Variants in TENM2 observed in about 807,000 individuals in gnomAD.
TENM2 encodes teneurin-2.
In TENM2, 52 loss-of-function variants were observed where a neutral mutation model predicts 245.2. The ratio of observed to expected loss-of-function variants is 0.21; its 90% CI spans 0.17 to 0.27. The LOEUF is 0.27. TENM2 is among the 10% of genes least tolerant of loss of function. The pLI, the probability that TENM2 is intolerant of heterozygous loss-of-function variation, is 1.00. For missense variants in TENM2, 3,046 were observed against 3,666.8 expected (o/e 0.83, Z 4.37); for synonymous variants, 1,363 against 1,438.9 (o/e 0.95, Z 1.19).
intron 3 of TENM2, among the ~76,000 whole-genome samples, chr5:167,932,164 G>A (rs1409047299): frequency 6.6e-6 from 1 of 152,178 alleles, no homozygotes; most frequent in East Asian, 1.9e-4. Flanking sequence ...CTGCTTAGCA[G>A]CACACATCTT....
rs542781458 is a variant in TENM2 at position 168,110,454 on chromosome 5, G to A, written c.1814-7838G>A. ...ATCCCACTTCAAAGATAAAGCAATC[G>A]AGGCTGAAAGCAAAGTGTCCATAGT... On this transcript the variant is annotated intron_variant, in intron 9 of 28. Coordinates refer to ENST00000518659, the Ensembl canonical transcript of TENM2. Among the ~76,000 whole-genome samples the A allele has an allele frequency of 2.6e-5, 4 of 152,188 alleles. No homozygotes were observed. The South Asian group carries it at 8.3e-4, about 32-fold the overall frequency.
At chr5:167,139,423 G>C in the TENM2 span, among the ~76,000 whole-genome samples, 1 of 152,298 alleles carries the variant, frequency 6.6e-6, no homozygotes, top group South Asian at 2.1e-4. Flanking sequence ...CCCTTAAATT[G>C]TATGACACAT....
intron 9 of TENM2, among the ~76,000 whole-genome samples, chr5:168,099,223 A>G (rs868605235): frequency 6.6e-6 from 1 of 151,986 alleles, no homozygotes. Flanking sequence ...TTTTTTTTTA[A>G]TACCAGTTAT....
the TENM2 span, among the ~76,000 whole-genome samples, chr5:167,254,372 T>G: frequency 6.6e-6 from 1 of 152,086 alleles, no homozygotes; most frequent in Non-Finnish European, 1.5e-5. Context: ...GAGAAAGCAC[T>G]CTCCTCCCTG....
At chr5:168,212,970 G>C (rs917141964) in intron 20 of TENM2, among the ~76,000 whole-genome samples, 2 of 152,134 alleles carry the variant, frequency 1.3e-5, no homozygotes, top group African/African-American at 4.8e-5. Context: ...CTCAAATCAG[G>C]CTCCCTAGAA....
rs140074463 is a variant in TENM2, at chr5:167,731,283, G to A, written c.503-144703G>A. Among the ~76,000 whole-genome samples the A allele has an allele frequency of 6.3e-3, 941 of 150,534 alleles. 5 individuals carry two copies. The highest frequency in any genetic ancestry group is 0.017 in the Middle Eastern group (5 of 288). Reference sequence around the variant, plus strand: ...GTTTTGAGCGAGATGGAAGATGTTCGCCTCCGTTACAGAGGGAATTTCAGG... The same window carrying A: ...GTTTTGAGCGAGATGGAAGATGTTCACCTCCGTTACAGAGGGAATTTCAGG... On this transcript the variant is annotated intron_variant, in intron 2 of 28. Coordinates refer to ENST00000518659, the Ensembl canonical transcript of TENM2.
chr5:167,493,971 T>G (rs1266429562), intron 2 of TENM2, among the ~76,000 whole-genome samples: 3 of 152,012 alleles, frequency 2.0e-5, no homozygotes, highest in Admixed American at 6.6e-5. Context: ...ACTTGGGTGA[T>G]GAAAAGAAAT....
At chr5:167,935,765 C>A (rs890247859) in intron 3 of TENM2, among the ~76,000 whole-genome samples, 1 of 152,142 alleles carries the variant, frequency 6.6e-6, no homozygotes, top group Non-Finnish European at 1.5e-5. Flanking sequence ...CAGACCAAGT[C>A]ATTTTAGATG....
chr5:167,794,133 C>T (rs1471973693), intron 2 of TENM2, among the ~76,000 whole-genome samples: 1 of 152,008 alleles, frequency 6.6e-6, no homozygotes, highest in African/African-American at 2.4e-5. Flanking sequence ...GAATATATTA[C>T]AGTAGCTATG....
chr5:168,216,302 C>T (rs1184088414), intron 21 of TENM2, among the ~76,000 whole-genome samples: 1 of 152,194 alleles, frequency 6.6e-6, no homozygotes, highest in African/African-American at 2.4e-5. Context: ...CTTCCTGAAG[C>T]ATACACCTTG....
intron 13 of TENM2, 61 bp downstream of exon 15, chr5:168,162,818 A>G (rs2152452495): frequency 1.9e-6 from 3 of 1,577,354 alleles, no homozygotes; most frequent in South Asian, 1.1e-5. Flanking sequence ...TGCTTTTGTC[A>G]TAAGTCATTT....
chr5:167,471,671 A>G (rs969479714), intron 2 of TENM2, among the ~76,000 whole-genome samples: 3 of 152,220 alleles, frequency 2.0e-5, no homozygotes, highest in Non-Finnish European at 4.4e-5. Flanking sequence ...GTGGCAGACT[A>G]TATAATACGA....
chr5:167,674,252 T>C (rs1287304591), intron 2 of TENM2, among the ~76,000 whole-genome samples: 1 of 152,086 alleles, frequency 6.6e-6, no homozygotes, highest in East Asian at 1.9e-4. Context: ...GACAAATGAA[T>C]TTCCAGGATT....
chr5:167,189,490 TTTCC>T, the TENM2 span, among the ~76,000 whole-genome samples: 1 of 152,010 alleles, frequency 6.6e-6, no homozygotes, highest in South Asian at 2.1e-4. Context: ...TTCTTTTCTT[TTTCC>T]TTCCTTCCTT....
At chr5:167,574,326 C>G (rs1470720417) in intron 2 of TENM2, among the ~76,000 whole-genome samples, 2 of 152,152 alleles carry the variant, frequency 1.3e-5, no homozygotes, top group South Asian at 2.1e-4. Context: ...AAATTCTAAA[C>G]AGCTAACGGA....
intron 2 of TENM2, among the ~76,000 whole-genome samples, chr5:167,809,260 G>A (rs1766455400): frequency 6.6e-6 from 1 of 152,088 alleles, no homozygotes; most frequent in Non-Finnish European, 1.5e-5. Context: ...ATCATTAAAT[G>A]TCATACACTG....
At chr5:168,199,193 G>C (rs1761719248) in intron 16 of TENM2, 79 bp downstream of exon 18, 1 of 1,426,132 alleles carries the variant, frequency 7.0e-7, no homozygotes, top group Non-Finnish European at 9.5e-7. Context: ...TCCCCGAGTG[G>C]ACCAGAAACT....
In TENM2 at chr5:167,601,967, G is replaced by A. The variant is rs77492266; in HGVS notation, c.502+226494G>A. Among the ~76,000 whole-genome samples the A allele has an allele frequency of 7.5e-3, 1,135 of 151,946 alleles. 8 individuals carry two copies. The highest frequency in any genetic ancestry group is 0.026 in the African/African-American group (1,058 of 41,418). The stretch of plus-strand genomic sequence containing the variant: ...AGGATGGCAGGAGGAAGAGGGAAGG[G>A]GAAAGGAAGGAAAGGGAGAGAGAAG... On this transcript the variant is annotated intron_variant, in intron 2 of 28. Coordinates refer to ENST00000518659, the Ensembl canonical transcript of TENM2.
chr5:167,946,231 C>T (rs543355716), intron 3 of TENM2, among the ~76,000 whole-genome samples: 34 of 152,172 alleles, frequency 2.2e-4, no homozygotes, highest in African/African-American at 7.9e-4. Context: ...TCCTTCCATC[C>T]CTGGGCTCTT....
Sources: allele counts gnomAD v4.1 joint callset (sites outside exome capture counted in the v4.1 genomes callset), GRCh38; gene constraint gnomAD v4.1.1; transcripts MANE v1.5; gene names NCBI Gene and HGNC (gene_info 2026-07-23, HGNC 2026-07-21).